Variants in SLIT2 observed in about 807,000 individuals in gnomAD.
The protein encoded by SLIT2 is slit homolog 2 protein.
Under a neutral mutation model 185.7 loss-of-function variants are expected in SLIT2, and 41 were observed. The observed-to-expected ratio is 0.22, with a 90% CI of 0.17 to 0.29. The LOEUF is 0.29. SLIT2 is among the 10% of genes least tolerant of loss of function. SLIT2 has a pLI of 1.00. For synonymous variants in SLIT2, 693 were observed against 680.2 expected (o/e 1.02, Z -0.29); for missense variants, 1,571 against 1,909.0 (o/e 0.82, Z 3.30).
chr4:20,518,949 G>T (rs1393032260), intron 11 of SLIT2, among the ~76,000 whole-genome samples: 1 of 151,982 alleles, frequency 6.6e-6, no homozygotes, highest in Non-Finnish European at 1.5e-5. Flanking sequence ...ACTTTAACAT[G>T]CTTCTTTTTT....
chr4:20,541,667 G>C, intron 20 of SLIT2, 48 bp downstream of exon 20: 2 of 1,478,758 alleles, frequency 1.4e-6, no homozygotes, highest in Middle Eastern at 1.7e-4. Context: ...TCACATGCCT[G>C]TTCTGATGCA....
chr4:20,604,000 C>T (rs113727467), intron 33 of SLIT2, among the ~76,000 whole-genome samples: 1,878 of 152,288 alleles, frequency 0.012, 18 homozygotes, highest in Non-Finnish European at 0.02. Flanking sequence ...GCTTTATTTT[C>T]CTTATCTCAG....
intron 9 of SLIT2, among the ~76,000 whole-genome samples, chr4:20,500,793 C>A (rs1342986129): frequency 1.3e-5 from 2 of 152,120 alleles, no homozygotes; most frequent in Non-Finnish European, 2.9e-5. Context: ...AGCTATCATG[C>A]CGATGCAGGC....
At chr4:20,563,821 G>A (rs941261268) in intron 26 of SLIT2, among the ~76,000 whole-genome samples, 1 of 151,744 alleles carries the variant, frequency 6.6e-6, no homozygotes, top group Non-Finnish European at 1.5e-5. Flanking sequence ...GTCAGTACTT[G>A]CCGTAATTTT....
intron 9 of SLIT2, among the ~76,000 whole-genome samples, chr4:20,498,043 C>T (rs976475808): frequency 1.3e-5 from 2 of 151,942 alleles, no homozygotes; most frequent in South Asian, 2.1e-4. Context: ...CGTGGCAGTG[C>T]GTGCCTGTAG....
At chr4:20,412,913 T>TTTC (rs1312258084) in intron 4 of SLIT2, among the ~76,000 whole-genome samples, 2 of 152,116 alleles carry the variant, frequency 1.3e-5, no homozygotes, top group African/African-American at 4.8e-5. Context: ...GTACTATCAC[T>TTTC]TTCTTCTTCT....
intron 21 of SLIT2, among the ~76,000 whole-genome samples, chr4:20,544,301 T>C (rs1244945160): frequency 6.6e-6 from 1 of 152,186 alleles, no homozygotes; most frequent in Non-Finnish European, 1.5e-5. Flanking sequence ...TGATGCTAAA[T>C]CCCTTCTTCT....
chr4:20,553,938 A>C lies in SLIT2; in HGVS notation c.2695A>C (p.Thr899Pro). The C allele has an allele frequency of 6.2e-7, 1 of 1,604,638 alleles. No homozygotes were observed. The highest frequency in any genetic ancestry group is 1.7e-4 in the Middle Eastern group (1 of 5,996). Residue 899 changes from threonine (T) to proline (P), a missense_variant, in exon 26 of 37, where the codon ACA becomes CCA. Transcript: ENST00000504154. The part of the protein sequence containing the change: ...PGEMADKLLL[T>P]TPSKKFTCQG... Reference sequence around the variant, plus strand: ...AGAAATGGCAGATAAACTTTTACTCACAACTCCCTCCAAAAAATTTACCTG... The same window carrying C: ...AGAAATGGCAGATAAACTTTTACTCCCAACTCCCTCCAAAAAATTTACCTG...
At chr4:20,584,871 A>G (rs1726916576) in intron 29 of SLIT2, among the ~76,000 whole-genome samples, 1 of 152,176 alleles carries the variant, frequency 6.6e-6, no homozygotes, top group Non-Finnish European at 1.5e-5. Context: ...CATGCCCAAC[A>G]TGGTGAAACC....
At chr4:20,564,953 G>A (rs531575180) in intron 26 of SLIT2, among the ~76,000 whole-genome samples, 26 of 152,002 alleles carry the variant, frequency 1.7e-4, no homozygotes, top group Admixed American at 3.3e-4. Context: ...TGGTCCGGTG[G>A]ACATTTATTA....
At chr4:20,385,790 A>G (rs1205424023) in intron 4 of SLIT2, among the ~76,000 whole-genome samples, 2 of 152,192 alleles carry the variant, frequency 1.3e-5, no homozygotes, top group African/African-American at 4.8e-5. Flanking sequence ...TTCATTTAGT[A>G]TATCAAAAGA....
At chr4:20,521,844 T>C (rs1364468373) in intron 12 of SLIT2, among the ~76,000 whole-genome samples, 2 of 151,686 alleles carry the variant, frequency 1.3e-5, no homozygotes, top group African/African-American at 4.9e-5. Context: ...CATGTTAACA[T>C]AGAGATTGTT....
At chr4:20,278,818 T>A (rs905357557) in intron 4 of SLIT2, among the ~76,000 whole-genome samples, 1 of 11,394 alleles carries the variant, frequency 8.8e-5, no homozygotes, top group Admixed American at 9.0e-4. Flanking sequence ...TGGGGGGCGG[T>A]GGGGGGAGGG....
At chr4:20,354,197 C>T (rs942609209) in intron 4 of SLIT2, among the ~76,000 whole-genome samples, 43 of 151,048 alleles carry the variant, frequency 2.8e-4, no homozygotes, top group African/African-American at 7.3e-4. Flanking sequence ...TAAATTAAGA[C>T]GGAAAGGTAG....
chr4:20,609,947 T>C, intron 33 of SLIT2, 66 bp from the exon 34 acceptor site: 2 of 1,451,874 alleles, frequency 1.4e-6, no homozygotes, highest in Non-Finnish European at 1.9e-6. Context: ...TCAAAGTTTG[T>C]AATTTAACTA....
At chr4:20,429,464 C>T (rs1275239183) in intron 4 of SLIT2, among the ~76,000 whole-genome samples, 1 of 152,054 alleles carries the variant, frequency 6.6e-6, no homozygotes, top group East Asian at 1.9e-4. Context: ...AATGAAGCAA[C>T]AAGTTTTCTG....
chr4:20,494,123 G>A (rs1483193093), intron 9 of SLIT2, among the ~76,000 whole-genome samples: 1 of 152,230 alleles, frequency 6.6e-6, no homozygotes. Context: ...TGATGGCTGT[G>A]TGCCAGTGAT....
At chr4:20,315,935 C>T (rs183479431) in intron 4 of SLIT2, among the ~76,000 whole-genome samples, 12 of 152,102 alleles carry the variant, frequency 7.9e-5, no homozygotes, top group East Asian at 1.9e-4. Context: ...ATTACATCCA[C>T]GGTACCTTTA....
In SLIT2 at chr4:20,252,578, C is replaced by T. The variant is rs368913163; in HGVS notation, c.-1238C>T. Among the ~76,000 whole-genome samples the T allele has an allele frequency of 6.6e-6, 1 of 151,512 alleles. No homozygotes were observed. Among genetic ancestry groups the T allele is most frequent in the Non-Finnish European group, 1.5e-5 (1 of 67,830 alleles). On this transcript the variant is annotated 5_prime_UTR_variant, in exon 1 of 37. Coordinates refer to ENST00000504154, the MANE Select transcript of SLIT2 (RefSeq NM_004787.4). The stretch of plus-strand genomic sequence containing the variant: ...AGAAGGACGAACCACTAGTGGGAGA[C>T]CGCCGGGGGCCGGCCGTGGCTCTGC...
Sources: gnomAD v4.1 joint callset for allele counts (sites outside exome capture counted in the v4.1 genomes callset) on GRCh38, gnomAD v4.1.1 for gene constraint, MANE v1.5 for transcripts, NCBI Gene and HGNC (gene_info 2026-07-23, HGNC 2026-07-21) for gene names.